FILIP1L: variants seen among roughly 807,000 people sequenced by gnomAD.
FILIP1L encodes filamin A interacting protein 1 like, also known as filamin A-interacting protein 1-like.
Under a neutral mutation model 96.6 loss-of-function variants are expected in FILIP1L, and 55 were observed. The ratio of observed to expected loss-of-function variants is 0.57; its 90% CI spans 0.46 to 0.71. The LOEUF (loss-of-function observed/expected upper bound fraction) is 0.71. FILIP1L is among the 30% of genes least tolerant of loss of function. FILIP1L has a pLI of 0.00. For missense variants in FILIP1L, 1,304 were observed against 1,321.2 expected (o/e 0.99, Z 0.20); for synonymous variants, 467 against 473.9 (o/e 0.99, Z 0.19).
intron 4 of FILIP1L, among the ~76,000 whole-genome samples, chr3:99,888,082 C>T (rs988771751): frequency 2.0e-5 from 3 of 152,030 alleles, no homozygotes; most frequent in Non-Finnish European, 4.4e-5. Flanking sequence ...GTACTATCTT[C>T]GGACAATTGG....
chr3:100,062,305 G>A (rs1012342821), intron 1 of FILIP1L, among the ~76,000 whole-genome samples: 1 of 151,512 alleles, frequency 6.6e-6, no homozygotes, highest in Admixed American at 6.6e-5. Context: ...TGGAGACGAG[G>A]TTTCACCGTG....
chr3:99,852,350 G>C (rs1943738141), intron 4 of FILIP1L, among the ~76,000 whole-genome samples: 1 of 152,126 alleles, frequency 6.6e-6, no homozygotes, highest in Non-Finnish European at 1.5e-5. Context: ...TTTTCTATTA[G>C]GAATGAGTTA....
chr3:100,030,379 CATT>C (rs970515525), intron 1 of FILIP1L, among the ~76,000 whole-genome samples: 2 of 152,112 alleles, frequency 1.3e-5, no homozygotes, highest in Non-Finnish European at 2.9e-5. Flanking sequence ...AACTTGGACT[CATT>C]GTCCTCTAAG....
At chr3:99,869,571 C>T (rs1433075803) in intron 4 of FILIP1L, among the ~76,000 whole-genome samples, 1 of 152,132 alleles carries the variant, frequency 6.6e-6, no homozygotes, top group African/African-American at 2.4e-5. Flanking sequence ...GGGACTTCCA[C>T]AATATCTCAC....
intron 1 of FILIP1L, among the ~76,000 whole-genome samples, chr3:100,048,684 C>G (rs2065317854): frequency 6.6e-6 from 1 of 152,162 alleles, no homozygotes; most frequent in Admixed American, 6.5e-5. Context: ...CTGTTAACAT[C>G]TCACTAAAGG....
chr3:99,933,316 C>T (rs915130660), intron 1 of FILIP1L, among the ~76,000 whole-genome samples: 3 of 152,122 alleles, frequency 2.0e-5, no homozygotes, highest in Non-Finnish European at 2.9e-5. Context: ...CAGTAGTTGT[C>T]ACTGGCTCTT....
intron 3 of FILIP1L, 123 bp downstream of exon 3, chr3:99,929,733 G>T (rs903007093): frequency 2.7e-5 from 17 of 633,536 alleles, no homozygotes; most frequent in Non-Finnish European, 3.8e-5. Flanking sequence ...TCTGTTTTGT[G>T]TAGGCTTTAA....
intron 1 of FILIP1L, among the ~76,000 whole-genome samples, chr3:100,105,607 C>G (rs1037769322): frequency 2.0e-5 from 3 of 152,106 alleles, no homozygotes; most frequent in African/African-American, 7.2e-5. Flanking sequence ...AAGGTATTTC[C>G]TAGAGATTAA....
At position 100,012,220 on chromosome 3, in the gene FILIP1L, A is replaced by T. The variant is rs114320619; in HGVS notation, c.-10-81190T>A. On this transcript the variant is annotated intron_variant, in intron 1 of 5. Coordinates refer to ENST00000477258, the MANE Select transcript of FILIP1L (RefSeq NM_001387850.1). ...CCAAAAGGATAAAATATCTAAAATT[A>T]TTTGTTTTATATCTTTATACTAGAA... Among the ~76,000 whole-genome samples, 1,096 of 152,272 alleles carry T rather than the reference A, an allele frequency of 7.2e-3. 4 individuals are homozygous for T. Among genetic ancestry groups the T allele is most frequent in the African/African-American group, 1.0e-2 (415 of 41,546 alleles).
At chr3:99,976,965 C>T (rs1708991204) in intron 1 of FILIP1L, among the ~76,000 whole-genome samples, 1 of 152,200 alleles carries the variant, frequency 6.6e-6, no homozygotes, top group Non-Finnish European at 1.5e-5. Context: ...TGTGTGACTG[C>T]ACCTTGCAGG....
chr3:99,982,138 A>G (rs1709142001), intron 1 of FILIP1L, among the ~76,000 whole-genome samples: 4 of 152,188 alleles, frequency 2.6e-5, no homozygotes, highest in Admixed American at 1.3e-4. Flanking sequence ...AAAAACTAAA[A>G]CAATATAAGT....
At chr3:100,044,623 G>A (rs1021789867) in intron 1 of FILIP1L, among the ~76,000 whole-genome samples, 1 of 152,164 alleles carries the variant, frequency 6.6e-6, no homozygotes, top group African/African-American at 2.4e-5. Flanking sequence ...AGATTATACA[G>A]GGCCTTATAG....
chr3:100,078,102 C>G (rs2065877827), intron 1 of FILIP1L, among the ~76,000 whole-genome samples: 2 of 151,700 alleles, frequency 1.3e-5, no homozygotes, highest in Admixed American at 1.3e-4. Flanking sequence ...ATAATATATG[C>G]TGGTTTGATA....
chr3:99,834,211 G>A (rs1942802916), intron 5 of FILIP1L, among the ~76,000 whole-genome samples: 1 of 152,152 alleles, frequency 6.6e-6, no homozygotes, highest in Admixed American at 6.5e-5. Flanking sequence ...GCTTTATACA[G>A]GAAAGGGTCT....
At chr3:99,866,057 G>A (rs1944497939) in intron 4 of FILIP1L, among the ~76,000 whole-genome samples, 1 of 151,744 alleles carries the variant, frequency 6.6e-6, no homozygotes, top group Non-Finnish European at 1.5e-5. Context: ...TCTACTCTTC[G>A]TTGGGCTGCT....
intron 1 of FILIP1L, among the ~76,000 whole-genome samples, chr3:100,014,914 T>G (rs1710293462): frequency 1.4e-5 from 2 of 145,310 alleles, no homozygotes; most frequent in African/African-American, 5.0e-5. Flanking sequence ...TTTTTTTTTT[T>G]TTTTGCCCCT....
intron 1 of FILIP1L, among the ~76,000 whole-genome samples, chr3:100,044,349 C>A (rs1234260508): frequency 6.6e-6 from 1 of 151,904 alleles, no homozygotes; most frequent in Non-Finnish European, 1.5e-5. Flanking sequence ...GTATTTACAT[C>A]ATAGTATAAA....
At chr3:100,031,095 ATT>A (rs1011897273) in intron 1 of FILIP1L, among the ~76,000 whole-genome samples, 1 of 151,936 alleles carries the variant, frequency 6.6e-6, no homozygotes, top group African/African-American at 2.4e-5. Context: ...GTCAGATTCT[ATT>A]TTTTTCTGCT....
At chr3:99,908,051 C>G (rs1706678405) in intron 4 of FILIP1L, among the ~76,000 whole-genome samples, 1 of 152,148 alleles carries the variant, frequency 6.6e-6, no homozygotes. Flanking sequence ...TGAGCATGGC[C>G]AAGGATTTTT....
Sources: gnomAD v4.1 joint callset for allele counts (sites outside exome capture counted in the v4.1 genomes callset) on GRCh38, gnomAD v4.1.1 for gene constraint, MANE v1.5 for transcripts, NCBI Gene and HGNC (gene_info 2026-07-23, HGNC 2026-07-21) for gene names.